The following FAM110B variants were observed in gnomAD, a reference collection of about 807,000 sequenced individuals.
The protein encoded by FAM110B is protein FAM110B.
A neutral mutation model predicts 20.4 loss-of-function variants in FAM110B; 6 were observed. That is an observed-to-expected ratio of 0.29 (90% CI 0.16 to 0.58). FAM110B has a LOEUF of 0.58. FAM110B is among the 20% of genes least tolerant of loss of function. FAM110B has a pLI of 0.90. For missense variants in FAM110B, 434 were observed against 498.2 expected, an observed-to-expected ratio of 0.87 and a Z score of 1.23; for synonymous variants, 226 against 214.1, an observed-to-expected ratio of 1.06 and a Z score of -0.49.
intron 3 of FAM110B, among the ~76,000 whole-genome samples, 179 bp from the exon 4 acceptor site, chr8:58,145,728 G>C (rs576304765): frequency 6.6e-6 from 1 of 152,360 alleles, no homozygotes; most frequent in Admixed American, 6.5e-5. Flanking sequence ...CGTCGGCGCA[G>C]GCGGGGGCGC....
intron 1 of FAM110B, among the ~76,000 whole-genome samples, chr8:58,006,442 G>A (rs1191775799): frequency 6.6e-6 from 1 of 152,096 alleles, no homozygotes; most frequent in Non-Finnish European, 1.5e-5. Context: ...CTAGTGCTAT[G>A]GCCATGGCAG....
intron 3 of FAM110B, among the ~76,000 whole-genome samples, chr8:58,115,209 T>C (rs1807171603): frequency 6.6e-6 from 1 of 151,422 alleles, no homozygotes; most frequent in Admixed American, 6.6e-5. Context: ...TTCTTTAGAA[T>C]GACAAAAAGT....
chr8:58,143,296 T>C (rs1324080155), intron 3 of FAM110B, among the ~76,000 whole-genome samples: 3 of 152,190 alleles, frequency 2.0e-5, no homozygotes, highest in African/African-American at 7.2e-5. Context: ...TTTTGGGTCT[T>C]CCAATAAGAT....
At chr8:58,023,570 C>T (rs767672208) in intron 1 of FAM110B, among the ~76,000 whole-genome samples, 1 of 152,170 alleles carries the variant, frequency 6.6e-6, no homozygotes, top group African/African-American at 2.4e-5. Context: ...CCTAGAATAG[C>T]ATGGTAGTCC....
intron 3 of FAM110B, among the ~76,000 whole-genome samples, chr8:58,096,986 A>G (rs1433512872): frequency 6.6e-6 from 1 of 151,644 alleles, no homozygotes; most frequent in African/African-American, 2.4e-5. Context: ...TTTTTCCTTC[A>G]TTTCAACCTT....
At chr8:58,143,261 C>G (rs1194165596) in intron 3 of FAM110B, among the ~76,000 whole-genome samples, 1 of 152,238 alleles carries the variant, frequency 6.6e-6, no homozygotes, top group Non-Finnish European at 1.5e-5. Context: ...ACACCCCAAA[C>G]AGTATCTTTA....
intron 3 of FAM110B, among the ~76,000 whole-genome samples, chr8:58,133,420 G>A (rs555553702): frequency 6.6e-5 from 10 of 152,286 alleles, no homozygotes; most frequent in Non-Finnish European, 1.2e-4. Context: ...GGGCAGGCAG[G>A]AGCCAGGCAG....
intron 2 of FAM110B, among the ~76,000 whole-genome samples, chr8:58,036,707 A>G (rs4452790): frequency 0.19 from 29,620 of 152,058 alleles, 4,117 homozygotes; most frequent in African/African-American, 0.39. Flanking sequence ...GCACACATAC[A>G]CACTTCCCAG....
intron 3 of FAM110B, among the ~76,000 whole-genome samples, chr8:58,122,083 C>T (rs1196160547): frequency 6.6e-6 from 1 of 152,132 alleles, no homozygotes; most frequent in African/African-American, 2.4e-5. Context: ...TTTATTCTAT[C>T]CTTCTGCTTG....
At chr8:58,035,338 T>A (rs1488949838) in intron 2 of FAM110B, among the ~76,000 whole-genome samples, 1 of 152,232 alleles carries the variant, frequency 6.6e-6, no homozygotes, top group African/African-American at 2.4e-5. Context: ...CTAAATTAAA[T>A]GAGATGTGTT....
chr8:58,114,425 T>A (rs1807144153), intron 3 of FAM110B, among the ~76,000 whole-genome samples: 1 of 152,230 alleles, frequency 6.6e-6, no homozygotes, highest in South Asian at 2.1e-4. Context: ...CTTTCCCAAG[T>A]GTATTCACCC....
chr8:58,063,368 G>A (rs1037212377), intron 2 of FAM110B, among the ~76,000 whole-genome samples: 1 of 152,192 alleles, frequency 6.6e-6, no homozygotes, highest in Non-Finnish European at 1.5e-5. Flanking sequence ...AACTATTGAT[G>A]CTGTAGCATT....
At chr8:58,010,214 G>A (rs972764957) in intron 1 of FAM110B, among the ~76,000 whole-genome samples, 4 of 150,826 alleles carry the variant, frequency 2.7e-5, no homozygotes, top group Admixed American at 2.0e-4. Context: ...TATAGACAGG[G>A]TTTCACCATG....
chr8:58,046,466 A>C (rs1257596963), intron 2 of FAM110B, among the ~76,000 whole-genome samples: 1 of 152,098 alleles, frequency 6.6e-6, no homozygotes, highest in Non-Finnish European at 1.5e-5. Flanking sequence ...GTAACTGAAG[A>C]CTCATGATTC....
intron 3 of FAM110B, among the ~76,000 whole-genome samples, chr8:58,107,121 TTA>T (rs1268181530): frequency 2.0e-5 from 3 of 152,214 alleles, no homozygotes; most frequent in Non-Finnish European, 4.4e-5. Flanking sequence ...CGTCTGGATT[TTA>T]TGTTACTGAA....
At chr8:58,072,008 C>A (rs949540858) in intron 2 of FAM110B, among the ~76,000 whole-genome samples, 2 of 152,088 alleles carry the variant, frequency 1.3e-5, no homozygotes, top group Non-Finnish European at 2.9e-5. Context: ...CTCTCGTTTC[C>A]CTCCCTCCCT....
At chr8:58,128,963 C>A (rs1434670284) in intron 3 of FAM110B, among the ~76,000 whole-genome samples, 1 of 152,106 alleles carries the variant, frequency 6.6e-6, no homozygotes, top group African/African-American at 2.4e-5. Flanking sequence ...AATGTCTTTT[C>A]AAGTATCCTT....
intron 3 of FAM110B, among the ~76,000 whole-genome samples, chr8:58,080,296 G>A (rs1398599986): frequency 6.6e-6 from 1 of 152,148 alleles, no homozygotes; most frequent in Non-Finnish European, 1.5e-5. Flanking sequence ...AGGTTACAAG[G>A]AAACATAAAT....
intron 1 of FAM110B, among the ~76,000 whole-genome samples, chr8:58,002,191 C>T (rs1298555172): frequency 6.6e-6 from 1 of 152,200 alleles, no homozygotes; most frequent in Admixed American, 6.5e-5. Context: ...TCCAGAAACA[C>T]CCACAGGTAC....
Sources: gnomAD v4.1 joint callset for allele counts (sites outside exome capture counted in the v4.1 genomes callset) on GRCh38, gnomAD v4.1.1 for gene constraint, MANE v1.5 for transcripts, NCBI Gene and HGNC (gene_info 2026-07-23, HGNC 2026-07-21) for gene names.